The following PCDHGB5 variants were observed in gnomAD, a reference collection of about 807,000 sequenced individuals.
PCDHGB5 encodes the protein protocadherin gamma subfamily B, 5.
PCDHGB5 carries 48 observed loss-of-function variants against 62.9 expected under a neutral mutation model. The observed-to-expected ratio is 0.76, with a 90% confidence interval of 0.61 to 0.97. The LOEUF is 0.97. PCDHGB5 is among the 50% of genes least tolerant of loss of function. The pLI is 0.00. For missense variants in PCDHGB5, 1,118 were observed against 1,198.6 expected (o/e 0.93, Z 0.99); for synonymous variants, 474 against 511.2 (o/e 0.93, Z 0.98).
chr5:141,420,960 T>C, intron 1 of PCDHGB5: 1 of 425,378 alleles, frequency 2.4e-6, no homozygotes, highest in East Asian at 3.9e-5. Context: ...TCTTAGTCGT[T>C]GCAATAATAA....
At chr5:141,459,165 C>T (rs1418626354) in intron 1 of PCDHGB5, among the ~76,000 whole-genome samples, 2 of 152,130 alleles carry the variant, frequency 1.3e-5, no homozygotes, top group African/African-American at 4.8e-5. Context: ...ATTTCTATAA[C>T]CTTCAAAAGT....
At chr5:141,427,839 G>A (rs1276507135) in intron 1 of PCDHGB5, 3 of 1,547,192 alleles carry the variant, frequency 1.9e-6, no homozygotes, top group African/African-American at 2.7e-5. Context: ...GCGTGCCTTC[G>A]ACCACGAGCA....
chr5:141,436,817 TA>T (rs1431750380), intron 1 of PCDHGB5, among the ~76,000 whole-genome samples: 1 of 152,244 alleles, frequency 6.6e-6, no homozygotes, highest in Non-Finnish European at 1.5e-5. Context: ...ACAGCTGGTT[TA>T]AAAATCTTAA....
In PCDHGB5 at chr5:141,443,822, A is replaced by G. The variant is rs183934410; in HGVS notation, c.2397+43298A>G. ...GAAACAGTTACCTTTGGAAAACATAATTAGGTAAAATGGGTAATATGGAAA... is the reference window on the plus strand; with the variant it reads ...GAAACAGTTACCTTTGGAAAACATAGTTAGGTAAAATGGGTAATATGGAAA... On this transcript the variant is annotated intron_variant, in intron 1 of 3. Coordinates refer to ENST00000617380, the MANE Select transcript of PCDHGB5 (RefSeq NM_018925.3). Among the ~76,000 whole-genome samples, 330 of 152,316 alleles carry G rather than the reference A, an allele frequency of 2.2e-3. 2 individuals carry two copies. Among genetic ancestry groups the G allele is most frequent in the Non-Finnish European group, 4.1e-3 (279 of 68,018 alleles).
intron 1 of PCDHGB5, among the ~76,000 whole-genome samples, chr5:141,405,786 T>C (rs72790035): frequency 0.064 from 9,727 of 151,196 alleles, 364 homozygotes; most frequent in African/African-American, 0.1. Context: ...CCCTTAACTT[T>C]CTATTATAGT....
Position 141,432,403 on chromosome 5 carries a change from G to A in PCDHGB5, c.2397+31879G>A, listed in dbSNP as rs1279890312. The A allele has an allele frequency of 6.2e-7, 1 of 1,614,242 alleles. No homozygotes were observed. The highest frequency in any genetic ancestry group is 8.5e-7 in the Non-Finnish European group (1 of 1,180,052). On this transcript the variant is annotated intron_variant, in intron 1 of 3. Coordinates refer to ENST00000617380, the MANE Select transcript of PCDHGB5 (RefSeq NM_018925.3). The surrounding 1 kb of genome is among the most constrained non-coding windows in gnomAD (Gnocchi z 6.0). ...CGCCCCTCAGCAGCAACGTGTCGTT[G>A]AGCCTGTTCGTGCTGGACCAGAACG...
chr5:141,455,660 G>A (rs1485792613), intron 1 of PCDHGB5, among the ~76,000 whole-genome samples: 1 of 152,134 alleles, frequency 6.6e-6, no homozygotes, highest in Non-Finnish European at 1.5e-5. Flanking sequence ...CCAGGAACTT[G>A]TGGGGCAAGG....
intron 1 of PCDHGB5, among the ~76,000 whole-genome samples, chr5:141,464,197 G>A (rs1216682352): frequency 3.3e-5 from 5 of 151,394 alleles, no homozygotes; most frequent in African/African-American, 9.7e-5. Context: ...TTCAGGAGGC[G>A]GAGATTGCAG....
At chr5:141,415,198 G>T in intron 1 of PCDHGB5, 2 of 1,614,038 alleles carry the variant, frequency 1.2e-6, no homozygotes, top group Non-Finnish European at 1.7e-6. Context: ...CATCCCCCAA[G>T]TCCTGGCGGA....
rs756237595 is a variant in PCDHGB5, at chr5:141,398,946, C to T, written c.819C>T (p.Ile273=). The T allele has an allele frequency of 1.9e-6, 3 of 1,613,830 alleles. No individual in the cohort carries two copies. The Admixed American group carries it at 5.0e-5, about 27-fold the overall frequency. ...QVSATDQDEG[I]NSEITYSFYR... is the part of the protein sequence containing the mutation. ...CAGCCACTGACCAAGACGAGGGCAT[C>T]AACTCAGAAATTACTTATTCCTTCT... The change falls in exon 1 of 4, where the codon ATC becomes ATT. Residue 273 remains isoleucine, a synonymous_variant. Coordinates refer to ENST00000617380, the MANE Select transcript of PCDHGB5 (RefSeq NM_018925.3).
intron 1 of PCDHGB5, among the ~76,000 whole-genome samples, chr5:141,426,008 T>G (rs2096909040): frequency 6.6e-6 from 1 of 152,224 alleles, no homozygotes; most frequent in South Asian, 2.1e-4. Context: ...GGCTTCCGGC[T>G]GCAGTTTTCT....
chr5:141,445,305 T>C (rs899306819), intron 1 of PCDHGB5, among the ~76,000 whole-genome samples: 2 of 152,204 alleles, frequency 1.3e-5, no homozygotes, highest in Non-Finnish European at 1.5e-5. Context: ...TCTCTTCAGT[T>C]TGTAGGTTGA....
intron 1 of PCDHGB5, chr5:141,427,957 C>T: frequency 2.5e-6 from 4 of 1,588,402 alleles, no homozygotes; most frequent in South Asian, 1.1e-5. Context: ...GACAATGTGC[C>T]GCGGGTGCTG....
chr5:141,421,467 G>T (rs1436543181), intron 1 of PCDHGB5: 1 of 1,614,132 alleles, frequency 6.2e-7, no homozygotes, highest in South Asian at 1.1e-5. Flanking sequence ...CTGTGAATCC[G>T]CGAAGCGGCA....
chr5:141,494,677 TGCCCCCTCTTA>T, intron 1 of PCDHGB5, 119 bp from the exon 2 acceptor site: 5 of 1,552,906 alleles, frequency 3.2e-6, no homozygotes, highest in Non-Finnish European at 4.4e-6. Flanking sequence ...AGTCCACCCC[TGCCCCCTCTTA>T]GTCCGTTTTC....
At chr5:141,415,597 A>G (rs1206125540) in intron 1 of PCDHGB5, 2 of 1,613,800 alleles carry the variant, frequency 1.2e-6, no homozygotes, top group South Asian at 1.1e-5. Flanking sequence ...TATAGAGGAT[A>G]CCCCATTGGT....
chr5:141,433,062 T>G (rs1371087184), intron 1 of PCDHGB5: 1 of 1,614,074 alleles, frequency 6.2e-7, no homozygotes, highest in Non-Finnish European at 8.5e-7. Context: ...AAGAGTCACC[T>G]GATCTTCCCC....
chr5:141,415,740 G>GTTTTTTTTTTTTTTTT (rs57426385), intron 1 of PCDHGB5: 34 of 625,042 alleles, frequency 5.4e-5, no homozygotes, highest in African/African-American at 2.0e-4. Flanking sequence ...GTTTATTAAG[G>GTTTTTTTTTTTTTTTT]TTTTTTTTTT....
intron 1 of PCDHGB5, chr5:141,419,302 C>A: frequency 6.2e-7 from 1 of 1,614,024 alleles, no homozygotes; most frequent in Non-Finnish European, 8.5e-7. Flanking sequence ...ACCCAGACTT[C>A]GGGCTCAACG....
Sources: gnomAD v4.1 joint callset for allele counts (sites outside exome capture counted in the v4.1 genomes callset) on GRCh38, gnomAD v4.1.1 for gene constraint, Gnocchi (gnomAD v3.1) non-coding constraint, MANE v1.5 for transcripts, NCBI Gene and HGNC (gene_info 2026-07-23, HGNC 2026-07-21) for gene names.